The following GRM7 variants were observed in gnomAD, a reference collection of about 807,000 sequenced individuals.
The protein encoded by GRM7 is metabotropic glutamate receptor 7.
A neutral mutation model predicts 84.5 loss-of-function variants in GRM7; 35 were observed. The observed-to-expected ratio is 0.41, with a 90% confidence interval of 0.32 to 0.55. The LOEUF is 0.55. Ranked by LOEUF, GRM7 falls within the 20% of genes least tolerant of loss-of-function variation. GRM7 has a pLI of 0.19. For missense variants in GRM7, 1,003 were observed against 1,194.6 expected, an observed-to-expected ratio of 0.84 and a Z score of 2.36; for synonymous variants, 487 against 455.1, an observed-to-expected ratio of 1.07 and a Z score of -0.89.
chr3:7,333,214 C>G (rs532439919), intron 4 of GRM7, among the ~76,000 whole-genome samples: 5 of 152,278 alleles, frequency 3.3e-5, no homozygotes, highest in African/African-American at 1.2e-4. Flanking sequence ...GTGCACTAAG[C>G]AAAACTACAC....
At chr3:7,250,652 T>C (rs941717814) in intron 2 of GRM7, among the ~76,000 whole-genome samples, 2 of 152,040 alleles carry the variant, frequency 1.3e-5, no homozygotes, top group African/African-American at 4.8e-5. Flanking sequence ...GCCTCCCAAG[T>C]AGCTGGGACT....
chr3:7,429,570 AT>A (rs1297513320), intron 5 of GRM7, among the ~76,000 whole-genome samples: 3 of 152,076 alleles, frequency 2.0e-5, no homozygotes, highest in African/African-American at 7.2e-5. Context: ...CCCCTGTGTC[AT>A]TTGATCCTCC....
intron 5 of GRM7, among the ~76,000 whole-genome samples, chr3:7,441,974 C>T (rs2124872641): frequency 6.6e-6 from 1 of 151,822 alleles, no homozygotes; most frequent in East Asian, 1.9e-4. Context: ...CTTTTTGGTT[C>T]CATATGACTT....
At chr3:7,647,025 T>C (rs1301888050) in intron 8 of GRM7, among the ~76,000 whole-genome samples, 2 of 152,208 alleles carry the variant, frequency 1.3e-5, no homozygotes, top group Non-Finnish European at 2.9e-5. Context: ...CATTCTGTCC[T>C]AATAATGTTC....
chr3:7,030,802 T>G (rs1399076475), intron 1 of GRM7, among the ~76,000 whole-genome samples: 1 of 152,230 alleles, frequency 6.6e-6, no homozygotes, highest in Admixed American at 6.5e-5. Flanking sequence ...TGAAATCAAT[T>G]TAAATTATCT....
chr3:7,736,281 A>G (rs923374907), intron 9 of GRM7, among the ~76,000 whole-genome samples: 4 of 152,200 alleles, frequency 2.6e-5, no homozygotes, highest in African/African-American at 9.6e-5. Context: ...AGTTAAATAC[A>G]TGACAAATGT....
chr3:7,306,455 C>A, intron 3 of GRM7, 43 bp from the exon 4 acceptor site: 1 of 1,555,880 alleles, frequency 6.4e-7, no homozygotes, highest in Non-Finnish European at 8.9e-7. Flanking sequence ...ATTCAGCTGA[C>A]GTTCTTTATC....
At position 7,456,439 on chromosome 3, in the gene GRM7, A is replaced by AT. The variant is rs1284012750; in HGVS notation, c.1375+3641dup. ...AAACCTCATAATGGTTTAGGATGCT[A>AT]TTTTTTTTTCCTTTTTTTTTTTAAC... On this transcript the variant is annotated intron_variant, in intron 6 of 9. Transcript: ENST00000357716. Among the ~76,000 whole-genome samples the AT allele has an allele frequency of 3.7e-4, 41 of 109,836 alleles. No homozygotes were observed. In the East Asian group the frequency reaches 5.4e-3, roughly 14 times the overall value. The allele number at this position is 109,836 out of a possible 152,430, so 72.1% of individuals were successfully genotyped here.
intron 7 of GRM7, among the ~76,000 whole-genome samples, chr3:7,464,186 C>G (rs1420873996): frequency 1.3e-5 from 2 of 152,100 alleles, no homozygotes; most frequent in Non-Finnish European, 2.9e-5. Context: ...GTTGATGACA[C>G]TTTGAGAACC....
At position 7,489,704 on chromosome 3, in the gene GRM7, ATTAAT is replaced by A. The variant is rs543777060; in HGVS notation, c.1515+27986_1515+27990del. On this transcript the variant is annotated intron_variant, in intron 7 of 9. Transcript: ENST00000357716. ...GCTTACAATACAATATTATACATTGATTAATTTATTAGGTATATATAGTATGAATA... is the reference window on the plus strand; with the variant it reads ...GCTTACAATACAATATTATACATTGATTATTAGGTATATATAGTATGAATA... Among the ~76,000 whole-genome samples the A allele has an allele frequency of 2.0e-3, 305 of 152,230 alleles. 2 individuals are homozygous for A. The highest frequency in any genetic ancestry group is 6.4e-3 in the African/African-American group (266 of 41,552).
intron 7 of GRM7, among the ~76,000 whole-genome samples, chr3:7,488,376 T>C (rs1290504763): frequency 6.6e-6 from 1 of 152,084 alleles, no homozygotes; most frequent in Non-Finnish European, 1.5e-5. Context: ...CCATCAAAAC[T>C]CAAGTTAAAG....
At chr3:7,561,072 C>T (rs1182408784) in intron 7 of GRM7, among the ~76,000 whole-genome samples, 1 of 152,080 alleles carries the variant, frequency 6.6e-6, no homozygotes, top group African/African-American at 2.4e-5. Flanking sequence ...TCCTCCCTTG[C>T]TTGCACTTTA....
chr3:6,972,659 C>A (rs1434704024), intron 1 of GRM7, among the ~76,000 whole-genome samples: 3 of 152,122 alleles, frequency 2.0e-5, no homozygotes, highest in Non-Finnish European at 4.4e-5. Context: ...TTAGACTGTG[C>A]TTTAGGACTG....
intron 1 of GRM7, among the ~76,000 whole-genome samples, chr3:7,103,709 G>A (rs371760448): frequency 4.0e-5 from 6 of 150,960 alleles, no homozygotes; most frequent in Non-Finnish European, 7.4e-5. Flanking sequence ...CTAATGCTTA[G>A]TCTTATTTTG....
chr3:7,054,769 C>A (rs560779530), intron 1 of GRM7, among the ~76,000 whole-genome samples: 37 of 151,864 alleles, frequency 2.4e-4, no homozygotes, highest in African/African-American at 8.7e-4. Context: ...CTCTACCCAT[C>A]GTTCTCCTCT....
intron 7 of GRM7, among the ~76,000 whole-genome samples, chr3:7,506,841 G>C (rs1000365305): frequency 6.6e-6 from 1 of 152,152 alleles, no homozygotes; most frequent in Non-Finnish European, 1.5e-5. Context: ...CATGAGGGCA[G>C]AGCCAACATT....
At chr3:7,648,751 C>T (rs1203355347) in intron 8 of GRM7, among the ~76,000 whole-genome samples, 4 of 152,150 alleles carry the variant, frequency 2.6e-5, no homozygotes, top group East Asian at 3.9e-4. Context: ...TCAGATGCAG[C>T]AAAGCCAAAG....
At chr3:7,399,779 A>G (rs1386014485) in intron 4 of GRM7, among the ~76,000 whole-genome samples, 5 of 152,174 alleles carry the variant, frequency 3.3e-5, no homozygotes, top group Non-Finnish European at 7.4e-5. Flanking sequence ...CACCACTTGT[A>G]ATCTCTGCAT....
At chr3:7,626,357 G>A (rs565946570) in intron 8 of GRM7, among the ~76,000 whole-genome samples, 2 of 152,282 alleles carry the variant, frequency 1.3e-5, no homozygotes, top group South Asian at 2.1e-4. Context: ...CAGGCTGGAC[G>A]ATTCTCTGTA....
Sources: allele counts gnomAD v4.1 joint callset (sites outside exome capture counted in the v4.1 genomes callset), GRCh38; gene constraint gnomAD v4.1.1; transcripts MANE v1.5; gene names NCBI Gene and HGNC (gene_info 2026-07-23, HGNC 2026-07-21).